The following SPATA45 variants were observed in gnomAD, a reference collection of about 807,000 sequenced individuals.
SPATA45 encodes spermatogenesis-associated protein 45.
SPATA45 carries 5 observed loss-of-function variants against 7.0 expected under a neutral mutation model. The ratio of observed to expected loss-of-function variants is 0.71; its 90% CI spans 0.37 to 1.50. SPATA45 has a LOEUF of 1.50. SPATA45 is among the 40% of genes most tolerant of loss of function. The probability of loss-of-function intolerance (pLI) is 0.03; values close to 1 mark genes in which losing one functional copy is unlikely to be tolerated. For synonymous variants in SPATA45, 40 were observed against 38.7 expected (o/e 1.03, Z -0.13); for missense variants, 111 against 114.9 (o/e 0.97, Z 0.16).
intron 2 of SPATA45, among the ~76,000 whole-genome samples, chr1:212,835,195 G>C (rs1663565730): frequency 6.6e-6 from 1 of 151,592 alleles, no homozygotes; most frequent in South Asian, 2.1e-4. Context: ...TAATTTTTAG[G>C]AATACCTACA....
At chr1:212,846,879 C>T (rs10864007) in intron 1 of SPATA45, among the ~76,000 whole-genome samples, 106,397 of 151,990 alleles carry the variant, frequency 0.7, 37,764 homozygotes, top group African/African-American at 0.77. Context: ...TTTGAAACTT[C>T]TTTTTCTTTT....
chr1:212,836,642 CT>C (rs201625550), intron 1 of SPATA45, among the ~76,000 whole-genome samples: 3 of 149,012 alleles, frequency 2.0e-5, no homozygotes, highest in East Asian at 4.0e-4. Context: ...GCACACCTCA[CT>C]TTTTTTTTAT....
At chr1:212,837,615 A>T (rs1044952090) in intron 1 of SPATA45, among the ~76,000 whole-genome samples, 1 of 151,278 alleles carries the variant, frequency 6.6e-6, no homozygotes, top group Non-Finnish European at 1.5e-5. Flanking sequence ...CCTGTGCGAC[A>T]GTGTGAGACT....
At position 212,835,820 on chromosome 1, in the gene SPATA45, G is replaced by A. The variant is rs1394336393; in HGVS notation, c.277+53C>T. The A allele has an allele frequency of 3.5e-5, 51 of 1,471,886 alleles. 1 individual carries two copies. The highest frequency in any genetic ancestry group is 4.5e-5 in the Non-Finnish European group (49 of 1,093,066). 91.2% of individuals were successfully genotyped at this position (1,471,886 alleles called of 1,614,324 possible). A position where few individuals can be genotyped will look rare whatever the true frequency, so the allele number is the denominator to read the frequency against. On this transcript the variant is annotated intron_variant, in intron 2 of 2. Coordinates refer to ENST00000332912, the MANE Select transcript of SPATA45 (RefSeq NM_001024601.3). ...CACTGCACTCCAGCCTGGGCGACAA[G>A]AGCAAAACTCCATCTCAAAAAAAAA... is the stretch of plus-strand genomic sequence containing the variant.
At chr1:212,838,302 T>TAA (rs55837628) in intron 1 of SPATA45, among the ~76,000 whole-genome samples, 2,114 of 139,420 alleles carry the variant, frequency 0.015, 43 homozygotes, top group African/African-American at 0.02. Flanking sequence ...GGACTTTGTC[T>TAA]AAAAAAAAAA....
At chr1:212,841,837 A>T (rs1178376054) in intron 1 of SPATA45, among the ~76,000 whole-genome samples, 4 of 152,006 alleles carry the variant, frequency 2.6e-5, no homozygotes, top group Admixed American at 2.6e-4. Flanking sequence ...GGCTCACTAC[A>T]GCCTCTGCCT....
At chr1:212,835,636 C>A (rs1432547327) in intron 2 of SPATA45, among the ~76,000 whole-genome samples, 1 of 151,340 alleles carries the variant, frequency 6.6e-6, no homozygotes, top group African/African-American at 2.4e-5. Flanking sequence ...AGTTTGAGAC[C>A]AGCCTGGCCA....
At chr1:212,836,485 C>T (rs1307948882) in intron 1 of SPATA45, among the ~76,000 whole-genome samples, 1 of 151,410 alleles carries the variant, frequency 6.6e-6, no homozygotes, top group Non-Finnish European at 1.5e-5. Context: ...CGCGCACTAC[C>T]ATGCCTGGCT....
intron 2 of SPATA45, among the ~76,000 whole-genome samples, chr1:212,832,996 G>A (rs1331829041): frequency 6.6e-6 from 1 of 151,694 alleles, no homozygotes; most frequent in Non-Finnish European, 1.5e-5. Context: ...AAGGAGCCTA[G>A]CCTTCATTAG....
At chr1:212,838,327 G>A (rs1663624148) in intron 1 of SPATA45, among the ~76,000 whole-genome samples, 1 of 149,680 alleles carries the variant, frequency 6.7e-6, no homozygotes, top group East Asian at 2.0e-4. Flanking sequence ...AAATACATTC[G>A]TCATCATCAG....
intron 1 of SPATA45, among the ~76,000 whole-genome samples, chr1:212,842,932 C>CAAA (rs35856086): frequency 0.022 from 3,021 of 136,730 alleles, 56 homozygotes; most frequent in South Asian, 0.042. Context: ...ACTAAAAATA[C>CAAA]AAAAAAAAAA....
In SPATA45 at chr1:212,841,859, G is replaced by A. The variant is rs1451323166; in HGVS notation, c.-38-5672C>T. ...TACAGCCTCTGCCTCCTGGGTTCAAGAGGTTCTCATGCTTCAGCCTACTGA... is the reference window on the plus strand; with the variant it reads ...TACAGCCTCTGCCTCCTGGGTTCAAAAGGTTCTCATGCTTCAGCCTACTGA... On this transcript the variant is annotated intron_variant, in intron 1 of 2. Coordinates refer to ENST00000332912, the MANE Select transcript of SPATA45 (RefSeq NM_001024601.3). 7.2e-5 allele frequency among the ~76,000 whole-genome samples: 11 copies of A among 151,956 alleles called. No homozygotes were observed. In the South Asian group the frequency reaches 1.5e-3, roughly 20 times the overall value.
chr1:212,835,968 G>C lies in SPATA45; in HGVS notation c.182C>G (p.Thr61Ser), dbSNP rs1663577254. Residue 61 changes from threonine (T) to serine (S), a missense_variant, in exon 2 of 3, where the codon ACC becomes AGC. Coordinates refer to ENST00000332912, the MANE Select transcript of SPATA45 (RefSeq NM_001024601.3). Reference protein sequence around the residue: ...FPDAYQSFTDTTTKEPVPNSG... With the variant: ...FPDAYQSFTDSTTKEPVPNSG... ...GTTGGGAACAGGCTCTTTGGTTGTG[G>C]TATCAGTAAAGGACTGATAGGCATC... 6.2e-7 allele frequency: 1 copy of C among 1,610,034 alleles called. No individual in the cohort carries two copies.
chr1:212,831,175 G>T (rs531911020), intron 2 of SPATA45, among the ~76,000 whole-genome samples: 1 of 148,714 alleles, frequency 6.7e-6, no homozygotes, highest in Non-Finnish European at 1.5e-5. Flanking sequence ...AAGAAAGAAA[G>T]AAACACCAAA....
At chr1:212,831,529 A>T (rs1002815455) in intron 2 of SPATA45, among the ~76,000 whole-genome samples, 6 of 151,032 alleles carry the variant, frequency 4.0e-5, no homozygotes, top group African/African-American at 1.5e-4. Flanking sequence ...TCAATGACAG[A>T]GGCAAAACTT....
chr1:212,834,449 G>A (rs984227028), intron 2 of SPATA45, among the ~76,000 whole-genome samples: 1 of 148,008 alleles, frequency 6.8e-6, no homozygotes, highest in Middle Eastern at 3.6e-3. Context: ...AACAACCTTC[G>A]TCCACTTTTT....
At chr1:212,844,808 T>C (rs1207447272) in intron 1 of SPATA45, among the ~76,000 whole-genome samples, 1 of 152,210 alleles carries the variant, frequency 6.6e-6, no homozygotes, top group Non-Finnish European at 1.5e-5. Flanking sequence ...TCATTAATAC[T>C]TCTTTAATAA....
At chr1:212,847,183 G>A (rs967231891) in intron 1 of SPATA45, among the ~76,000 whole-genome samples, 18 of 152,122 alleles carry the variant, frequency 1.2e-4, no homozygotes, top group African/African-American at 4.3e-4. Context: ...GAGCAACTGT[G>A]CCCAGCCCAG....
At chr1:212,843,091 C>T (rs1456775289) in intron 1 of SPATA45, among the ~76,000 whole-genome samples, 13 of 110,654 alleles carry the variant, frequency 1.2e-4, no homozygotes, top group Admixed American at 3.0e-4. Flanking sequence ...AGCAAGACTC[C>T]GTCAAACATA....
Sources: allele counts gnomAD v4.1 joint callset (sites outside exome capture counted in the v4.1 genomes callset), GRCh38; gene constraint gnomAD v4.1.1; transcripts MANE v1.5; gene names NCBI Gene and HGNC (gene_info 2026-07-23, HGNC 2026-07-21).